Variants in CNGA3 observed in about 807,000 individuals in gnomAD.
CNGA3 encodes the protein cyclic nucleotide-gated channel alpha-3.
In CNGA3, 42 loss-of-function variants were observed where a neutral mutation model predicts 46.6. That is an observed-to-expected ratio of 0.90 (90% CI 0.70 to 1.17). The LOEUF is 1.17. Ranked by LOEUF, CNGA3 falls within the 50% of genes most tolerant of loss-of-function variation. CNGA3 has a pLI of 0.00. For synonymous variants in CNGA3, 394 were observed against 369.4 expected, an observed-to-expected ratio of 1.07 and a Z score of -0.76; for missense variants, 893 against 890.7, an observed-to-expected ratio of 1.00 and a Z score of -0.03.
chr2:98,357,253 A>G (rs1236232692), intron 1 of CNGA3, among the ~76,000 whole-genome samples: 1 of 152,262 alleles, frequency 6.6e-6, no homozygotes, highest in African/African-American at 2.4e-5. Context: ...GTCCGGGCCA[A>G]TGACAGTGGA....
rs878853359 is a variant in CNGA3 at position 98,397,101 on chromosome 2, T to C, written c.1931T>C (p.Phe644Ser). ...GSSLDTLQTR[F>S]ARLLAEYNAT... ...TCCCTGGACACCCTGCAGACCAGGT[T>C]TGCACGCCTCCTGGCTGAGTACAAC... Residue 644 changes from phenylalanine (F) to serine (S), a missense_variant, in exon 8 of 8, where the codon TTT becomes TCT. Physicochemically the swap from Phe to Ser is radical, Grantham distance 155. This residue lies in a region of CNGA3 where 548 missense variants were observed against 570.8 expected (regional missense o/e 0.96). Transcript: ENST00000272602. 2 of 1,614,082 alleles carry C rather than the reference T, an allele frequency of 1.2e-6. No homozygotes were observed. Among genetic ancestry groups the C allele is most frequent in the African/African-American group, 1.3e-5 (1 of 75,004 alleles).
Position 98,380,267 on chromosome 2 carries a change from G to T in CNGA3, c.308G>T (p.Arg103Leu), listed in dbSNP as rs549529161. ...QGPDSFPDRF[R>L]GAELKEVSSQ... Reference sequence around the variant, plus strand: ...CCGGACTCTTTTCCTGATCGTTTCCGTGGAGCCGAGCTTAAGGAGGTGTCC... The same window carrying T: ...CCGGACTCTTTTCCTGATCGTTTCCTTGGAGCCGAGCTTAAGGAGGTGTCC... Residue 103 changes from arginine to leucine, a missense_variant, in exon 4 of 8, where the codon CGT (arginine) becomes CTT (leucine). Around this residue, in one of 3 missense-constraint regions of CNGA3, gnomAD observed 333 missense variants for 290.8 expected, o/e 1.15. Transcript: ENST00000272602. 2.5e-6 allele frequency: 4 copies of T among 1,614,200 alleles called. No individual in the cohort carries two copies. Among genetic ancestry groups the T allele is most frequent in the Non-Finnish European group, 3.4e-6 (4 of 1,180,038 alleles).
intron 2 of CNGA3, chr2:98,377,477 C>T (rs762876005): frequency 1.0e-5 from 6 of 574,318 alleles, no homozygotes; most frequent in Non-Finnish European, 1.9e-5. Context: ...ACAGTAGCTA[C>T]CTTCCTTGCT....
intron 4 of CNGA3, among the ~76,000 whole-genome samples, chr2:98,381,233 GAAGCTGACCTCC>G (rs996586013): frequency 1.3e-5 from 2 of 152,152 alleles, no homozygotes; most frequent in African/African-American, 4.8e-5. Context: ...ACGTTGAGGG[GAAGCTGACCTCC>G]CCTCGGCCTC....
intron 1 of CNGA3, among the ~76,000 whole-genome samples, chr2:98,361,019 T>G (rs1056034520): frequency 7.1e-5 from 8 of 113,278 alleles, no homozygotes; most frequent in Admixed American, 4.3e-4. Context: ...TTATTTTATT[T>G]TATTTATTTT....
intron 1 of CNGA3, among the ~76,000 whole-genome samples, chr2:98,358,299 T>A (rs1691935686): frequency 6.6e-6 from 1 of 152,202 alleles, no homozygotes; most frequent in Non-Finnish European, 1.5e-5. Flanking sequence ...GAGTAAAATT[T>A]TTTCTTTTAA....
In CNGA3 at chr2:98,396,885, G is replaced by T. The variant is rs1692932180; in HGVS notation, c.1715G>T (p.Gly572Val). Residue 572 changes from glycine to valine, a missense_variant, in exon 8 of 8, where the codon GGC (glycine) becomes GTC (valine). Gly to Val is a moderately radical substitution (Grantham distance 109). Coordinates refer to ENST00000272602, the MANE Select transcript of CNGA3 (RefSeq NM_001298.3). ...AGGACGGCCAACATCCGCAGCATTG[G>T]CTACTCAGACCTGTTCTGCCTCTCA... The part of the protein sequence containing the change: ...NRRTANIRSI[G>V]YSDLFCLSKD... 1 of 1,614,046 alleles carries T rather than the reference G, an allele frequency of 6.2e-7. No individual in the cohort carries two copies. Among genetic ancestry groups the T allele is most frequent in the Non-Finnish European group, 8.5e-7 (1 of 1,180,046 alleles).
intron 3 of CNGA3, 118 bp from the exon 4 acceptor site, chr2:98,380,057 C>A: frequency 1.6e-6 from 2 of 1,212,794 alleles, no homozygotes; most frequent in Non-Finnish European, 2.4e-6. Context: ...ATTGCTTCTG[C>A]CCCATCCCTT....
intron 4 of CNGA3, among the ~76,000 whole-genome samples, chr2:98,382,342 C>T (rs1044442482): frequency 2.6e-5 from 4 of 152,218 alleles, no homozygotes; most frequent in African/African-American, 2.4e-5. Context: ...GCATCCCCCA[C>T]GGAGCTGAAC....
chr2:98,354,718 A>G (rs2106073478), intron 1 of CNGA3, among the ~76,000 whole-genome samples: 1 of 152,294 alleles, frequency 6.6e-6, no homozygotes, highest in East Asian at 1.9e-4. Flanking sequence ...CCAGGAGGTC[A>G]AGGCTGCAGT....
chr2:98,360,448 A>G (rs1692004085), intron 1 of CNGA3, among the ~76,000 whole-genome samples: 1 of 152,208 alleles, frequency 6.6e-6, no homozygotes, highest in African/African-American at 2.4e-5. Flanking sequence ...AAAGAAGAGT[A>G]ATTCGATAGT....
At chr2:98,347,995 T>C (rs62156263) in intron 1 of CNGA3, among the ~76,000 whole-genome samples, 66,715 of 151,538 alleles carry the variant, frequency 0.44, 15,010 homozygotes, top group Non-Finnish European at 0.5. Context: ...GATGGTCACT[T>C]GTGTGTGGTA....
At chr2:98,365,261 G>T (rs1483699789) in intron 1 of CNGA3, among the ~76,000 whole-genome samples, 1 of 152,138 alleles carries the variant, frequency 6.6e-6, no homozygotes, top group African/African-American at 2.4e-5. Flanking sequence ...GGCCAACATG[G>T]TGAAACCCTG....
chr2:98,353,430 G>T (rs1187181584), intron 1 of CNGA3, among the ~76,000 whole-genome samples: 3 of 152,146 alleles, frequency 2.0e-5, no homozygotes, highest in Non-Finnish European at 4.4e-5. Context: ...GCATTGTAGG[G>T]TTTTATTATA....
At chr2:98,377,560 T>C in intron 2 of CNGA3, 127 bp from the exon 3 acceptor site, 1 of 875,492 alleles carries the variant, frequency 1.1e-6, no homozygotes, top group Non-Finnish European at 1.9e-6. Flanking sequence ...GGGGAGCCCC[T>C]GGGATGAGGA....
At position 98,391,958 on chromosome 2, in the gene CNGA3, C is replaced by G; in HGVS notation, c.661C>G (p.Arg221Gly). The change falls in exon 7 of 8, where the codon CGA (arginine) becomes GGA (glycine). Residue 221 changes from arginine (R) to glycine (G), a missense_variant. By Grantham distance (125) the Arg-to-Gly change is moderately radical. This residue lies in a region of CNGA3 where 333 missense variants were observed against 290.8 expected (regional missense o/e 1.15). Coordinates refer to ENST00000272602, the MANE Select transcript of CNGA3 (RefSeq NM_001298.3). ...DVLYVLDVLV[R>G]ARTGFLEQGL... ...CCTGTATGTCTTGGATGTGCTTGTA[C>G]GAGCTCGGACAGGTGAGTGTGCCCC... 2 of 1,613,868 alleles carry G rather than the reference C, an allele frequency of 1.2e-6. No individual in the cohort carries two copies. The highest frequency in any genetic ancestry group is 4.5e-5 in the East Asian group (2 of 44,882).
Position 98,346,525 on chromosome 2 carries a change from C to CT in CNGA3, c.-44dup, listed in dbSNP as rs1041721370. ...CTGGCGCGCCGCGGAGAAGCTCAAA[C>CT]TTTGGCAGGGTAAGGATTTTTAGGG... On this transcript the variant is annotated 5_prime_UTR_variant, in exon 1 of 8. Transcript: ENST00000272602. The CT allele has an allele frequency of 1.0e-5, 4 of 398,118 alleles. No homozygotes were observed. Among genetic ancestry groups the CT allele is most frequent in the Non-Finnish European group, 1.8e-5 (4 of 225,918 alleles). 24.7% of individuals were successfully genotyped at this position (398,118 alleles called of 1,614,324 possible).
intron 4 of CNGA3, 43 bp downstream of exon 4, chr2:98,380,397 G>A: frequency 6.3e-7 from 1 of 1,589,430 alleles, no homozygotes; most frequent in East Asian, 2.3e-5. Context: ...TGCCTGCTGG[G>A]GCCAGGCAGG....
At position 98,370,152 on chromosome 2, in the gene CNGA3, G is replaced by A. The variant is rs1692253684; in HGVS notation, c.101+76G>A. 1.4e-5 allele frequency: 17 copies of A among 1,231,534 alleles called. 1 individual carries two copies. In the South Asian group the frequency reaches 2.1e-4, roughly 16 times the overall value. The allele number at this position is 1,231,534 out of a possible 1,614,324, so 76.3% of individuals were successfully genotyped here. On this transcript the variant is annotated intron_variant, in intron 2 of 7. Transcript: ENST00000272602. ...TCCACAGCTGATCTAGACTGTGGGGGAAGAATGCCTTCACGTTGGCCAGCC... is the reference window on the plus strand; with the variant it reads ...TCCACAGCTGATCTAGACTGTGGGGAAAGAATGCCTTCACGTTGGCCAGCC...
Sources: gnomAD v4.1 joint callset for allele counts (sites outside exome capture counted in the v4.1 genomes callset) on GRCh38, gnomAD v4.1.1 for gene constraint, gnomAD v4.1.1 regional missense constraint, MANE v1.5 for transcripts, NCBI Gene and HGNC (gene_info 2026-07-23, HGNC 2026-07-21) for gene names.